The following THAP4 variants were observed in gnomAD, a reference collection of about 807,000 sequenced individuals.
THAP4 encodes THAP domain containing 4.
A neutral mutation model predicts 48.1 loss-of-function variants in THAP4; 18 were observed. The ratio of observed to expected loss-of-function variants is 0.37; its 90% CI spans 0.26 to 0.56. The LOEUF is 0.56. THAP4 is among the 20% of genes least tolerant of loss of function. The probability of loss-of-function intolerance (pLI) is 0.78; values close to 1 mark genes in which losing one functional copy is unlikely to be tolerated. For synonymous variants in THAP4, 345 were observed against 324.9 expected (o/e 1.06, Z -0.66); for missense variants, 656 against 774.9 (o/e 0.85, Z 1.82).
At chr2:241,618,287 G>GC (rs2067372457) in intron 2 of THAP4, among the ~76,000 whole-genome samples, 1 of 152,122 alleles carries the variant, frequency 6.6e-6, no homozygotes, top group Non-Finnish European at 1.5e-5. Flanking sequence ...AGAAAATACA[G>GC]CAAGTATTTC....
intron 2 of THAP4, among the ~76,000 whole-genome samples, chr2:241,623,440 C>T (rs1273672378): frequency 1.3e-5 from 2 of 151,970 alleles, no homozygotes; most frequent in African/African-American, 4.8e-5. Flanking sequence ...ATTAGCAGGG[C>T]ATGGTGGCAC....
intron 5 of THAP4, among the ~76,000 whole-genome samples, chr2:241,588,189 C>G (rs1487836954): frequency 1.3e-5 from 2 of 151,612 alleles, no homozygotes; most frequent in East Asian, 1.9e-4. Context: ...ATTAAAAAAT[C>G]ATTTATAATA....
intron 5 of THAP4, among the ~76,000 whole-genome samples, chr2:241,597,990 A>C (rs1003563022): frequency 3.0e-4 from 45 of 147,654 alleles, no homozygotes; most frequent in Non-Finnish European, 1.7e-4. Flanking sequence ...AAAAAAAAAA[A>C]ACAAAAAACC....
At chr2:241,627,896 T>C (rs2067513300) in intron 2 of THAP4, among the ~76,000 whole-genome samples, 1 of 152,096 alleles carries the variant, frequency 6.6e-6, no homozygotes, top group African/African-American at 2.4e-5. Flanking sequence ...TGTCCCTTGC[T>C]CTCCAGAGCC....
chr2:241,589,144 T>A (rs763485504), intron 5 of THAP4, among the ~76,000 whole-genome samples: 4 of 145,508 alleles, frequency 2.7e-5, no homozygotes, highest in Non-Finnish European at 6.0e-5. Flanking sequence ...ATCTGGGAGG[T>A]AGAGGTTGCA....
At chr2:241,602,220 C>T (rs530587209) in intron 4 of THAP4, 3 of 574,970 alleles carry the variant, frequency 5.2e-6, no homozygotes, top group African/African-American at 3.7e-5. Flanking sequence ...AGGCCACCCT[C>T]TCCAGACTGG....
At position 241,601,273 on chromosome 2, in the gene THAP4, G is replaced by A. The variant is rs955771449; in HGVS notation, c.1614+623C>T. 1.3e-5 allele frequency among the ~76,000 whole-genome samples: 2 copies of A among 152,062 alleles called. No individual in the cohort carries two copies. The highest frequency in any genetic ancestry group is 2.9e-5 in the Non-Finnish European group (2 of 68,010). Reference sequence around the variant, plus strand: ...AGCCTGGGCAACAGAGCGAAACTCCGCCTCAAAAAAGAACAATCCACAGAA... The same window carrying A: ...AGCCTGGGCAACAGAGCGAAACTCCACCTCAAAAAAGAACAATCCACAGAA... On this transcript the variant is annotated intron_variant, in intron 5 of 5. Transcript: ENST00000407315. The surrounding 1 kb of genome is among the most constrained non-coding windows in gnomAD (Gnocchi z 4.0).
chr2:241,585,923 A>AAAAAAAAAAAAAAAAAAAAC (rs2066889250), intron 5 of THAP4, among the ~76,000 whole-genome samples: 1 of 144,428 alleles, frequency 6.9e-6, no homozygotes, highest in African/African-American at 2.6e-5. Flanking sequence ...AAAAAAAAAA[A>AAAAAAAAAAAAAAAAAAAAC]AAAAAAGAAA....
intron 5 of THAP4, among the ~76,000 whole-genome samples, chr2:241,589,605 G>C (rs2066932854): frequency 6.6e-6 from 1 of 152,126 alleles, no homozygotes; most frequent in African/African-American, 2.4e-5. Context: ...GGACAACCTT[G>C]CTGGGGTGTC....
In THAP4 at chr2:241,633,430, T is replaced by TA; in HGVS notation, c.726dup (p.Lys243Ter). 6.2e-7 allele frequency: 1 copy of TA among 1,613,604 alleles called. No homozygotes were observed. Among genetic ancestry groups the TA allele is most frequent in the Non-Finnish European group, 8.5e-7 (1 of 1,179,940 alleles). Reference sequence around the variant, plus strand: ...ACAGATGGCCTTTCTCGGGTGTGCTTAGAGGAGAAACTGTACGAATGAAGT... The same window carrying TA: ...ACAGATGGCCTTTCTCGGGTGTGCTTAAGAGGAGAAACTGTACGAATGAAGT... On this transcript the variant is annotated frameshift_variant, in exon 2 of 6. Coordinates refer to ENST00000407315, the MANE Select transcript of THAP4 (RefSeq NM_015963.6). LOFTEE classifies it high-confidence loss of function. The surrounding 1 kb of genome is among the most constrained non-coding windows in gnomAD (Gnocchi z 7.5).
chr2:241,619,374 C>T (rs1284082281), intron 2 of THAP4, among the ~76,000 whole-genome samples: 2 of 152,192 alleles, frequency 1.3e-5, no homozygotes, highest in African/African-American at 4.8e-5. Flanking sequence ...TTGACAAACA[C>T]GTCATGAGGC....
upstream of THAP4, chr2:241,637,450 C>T (rs770552191): frequency 1.4e-6 from 2 of 1,472,260 alleles, no homozygotes; most frequent in South Asian, 1.3e-5. Context: ...AAGCGCCACC[C>T]ATGGCACACA....
Position 241,616,458 on chromosome 2 carries a change from A to C in THAP4, c.1241-9985T>G, listed in dbSNP as rs972434014. Among the ~76,000 whole-genome samples, 33 of 152,224 alleles carry C rather than the reference A, an allele frequency of 2.2e-4. No individual in the cohort carries two copies. Among genetic ancestry groups the C allele is most frequent in the African/African-American group, 6.7e-4 (28 of 41,556 alleles). On this transcript the variant is annotated intron_variant, in intron 2 of 5. Coordinates refer to ENST00000407315, the MANE Select transcript of THAP4 (RefSeq NM_015963.6). The surrounding 1 kb of genome is among the most constrained non-coding windows in gnomAD (Gnocchi z 4.6). ...GGTGTCCTGGTAAGAACAGGTAGGG[A>C]GAGGCTGCCTCAAAAATTCTGGCTA...
At chr2:241,617,625 T>C in intron 2 of THAP4, 2 of 645,268 alleles carry the variant, frequency 3.1e-6, no homozygotes, top group South Asian at 4.1e-5. Flanking sequence ...TCACAGAATT[T>C]CAGAGCTGGA....
rs2067345373 is a variant in THAP4, at chr2:241,616,244, G to A, written c.1241-9771C>T. 6.7e-6 allele frequency among the ~76,000 whole-genome samples: 1 copy of A among 149,688 alleles called. No homozygotes were observed. Among genetic ancestry groups the A allele is most frequent in the South Asian group, 2.1e-4 (1 of 4,806 alleles). ...ACTAGCCCAAGGGAGATGGAAATGAGAGTGAGATAAGAGGGATGGGTGGGC... is the reference window on the plus strand; with the variant it reads ...ACTAGCCCAAGGGAGATGGAAATGAAAGTGAGATAAGAGGGATGGGTGGGC... On this transcript the variant is annotated intron_variant, in intron 2 of 5. Coordinates refer to ENST00000407315, the MANE Select transcript of THAP4 (RefSeq NM_015963.6). The surrounding 1 kb of genome is among the most constrained non-coding windows in gnomAD (Gnocchi z 4.6).
intron 2 of THAP4, among the ~76,000 whole-genome samples, chr2:241,620,164 G>C (rs1242130251): frequency 1.1e-5 from 1 of 92,438 alleles, no homozygotes; most frequent in Non-Finnish European, 2.2e-5. Context: ...GAGTCGGTGA[G>C]TGAGGGGTGA....
intron 5 of THAP4, among the ~76,000 whole-genome samples, chr2:241,585,935 A>AAAAAAAAAAAAAG (rs1553553075): frequency 1.4e-5 from 2 of 146,996 alleles, no homozygotes; most frequent in African/African-American, 2.5e-5. Context: ...AAAAAGAAAA[A>AAAAAAAAAAAAAG]AAAAAGAAAA....
intron 5 of THAP4, among the ~76,000 whole-genome samples, chr2:241,586,860 C>T (rs2066901943): frequency 6.6e-6 from 1 of 152,072 alleles, no homozygotes; most frequent in African/African-American, 2.4e-5. Flanking sequence ...TTGAAAATTG[C>T]AAAAGACTGA....
Position 241,634,056 on chromosome 2 carries a change from C to G in THAP4, c.101G>C (p.Arg34Pro), listed in dbSNP as rs775373411. ...AACAGCTTTTAACCATTGGATTAGACGTTTTGAGTCCTTTAGGGGGAACCT... is the reference window on the plus strand; with the variant it reads ...AACAGCTTTTAACCATTGGATTAGAGGTTTTGAGTCCTTTAGGGGGAACCT... ...FHRFPLKDSK[R>P]LIQWLKAVQR... Residue 34 changes from arginine to proline, a missense_variant, in exon 2 of 6, where the codon CGT becomes CCT. Arg to Pro is a moderately radical substitution (Grantham distance 103). Around this residue, in one of 4 missense-constraint regions of THAP4, gnomAD observed 59 missense variants for 45.8 expected, o/e 1.29. Transcript: ENST00000407315. 6.3e-7 allele frequency: 1 copy of G among 1,594,820 alleles called. No individual in the cohort carries two copies. Among genetic ancestry groups the G allele is most frequent in the South Asian group, 1.1e-5 (1 of 88,910 alleles).
Sources: allele counts gnomAD v4.1 joint callset (sites outside exome capture counted in the v4.1 genomes callset), GRCh38; gene constraint gnomAD v4.1.1; regional missense constraint gnomAD v4.1.1; non-coding constraint Gnocchi (gnomAD v3.1); transcripts MANE v1.5; gene names NCBI Gene and HGNC (gene_info 2026-07-23, HGNC 2026-07-21).